The following ADCY5 variants were observed in gnomAD, a reference collection of about 807,000 sequenced individuals.
ADCY5 encodes adenylate cyclase 5, also known as adenylate cyclase type 5.
Under a neutral mutation model 119.7 loss-of-function variants are expected in ADCY5, and 30 were observed. That is an observed-to-expected ratio of 0.25 (90% CI 0.19 to 0.34). ADCY5 has a LOEUF of 0.34. ADCY5 is among the 10% of genes least tolerant of loss of function. The pLI, the probability that ADCY5 is intolerant of heterozygous loss-of-function variation, is 1.00. For synonymous variants in ADCY5, 753 were observed against 762.2 expected (o/e 0.99, Z 0.20); for missense variants, 1,324 against 1,775.2 (o/e 0.75, Z 4.57).
chr3:123,284,798 G>A, intron 20 of ADCY5, 62 bp from the exon 21 acceptor site: 1 of 1,605,562 alleles, frequency 6.2e-7, no homozygotes, highest in South Asian at 1.1e-5. Context: ...AACTGCTGTG[G>A]GGTAGAGCCA....
intron 12 of ADCY5, among the ~76,000 whole-genome samples, chr3:123,309,980 C>G (rs1940449274): frequency 6.6e-6 from 1 of 152,052 alleles, no homozygotes; most frequent in Non-Finnish European, 1.5e-5. Context: ...GCAGAGCAGA[C>G]AGGGCCCACA....
chr3:123,330,729 G>A (rs1292737153), intron 5 of ADCY5, among the ~76,000 whole-genome samples, 160 bp downstream of exon 5: 2 of 152,236 alleles, frequency 1.3e-5, no homozygotes, highest in African/African-American at 4.8e-5. Context: ...CAGAAAGTCT[G>A]GTGGCACACG....
At chr3:123,379,699 G>C (rs1257275737) in intron 1 of ADCY5, among the ~76,000 whole-genome samples, 1 of 152,022 alleles carries the variant, frequency 6.6e-6, no homozygotes, top group Non-Finnish European at 1.5e-5. Context: ...GGGTGAGGGT[G>C]GGGAGGCCTC....
chr3:123,342,203 C>T (rs1243713959), intron 3 of ADCY5, among the ~76,000 whole-genome samples: 2 of 152,154 alleles, frequency 1.3e-5, no homozygotes, highest in Non-Finnish European at 2.9e-5. Flanking sequence ...AAACATTTTC[C>T]ACCCTCTGCC....
chr3:123,316,676 CCTGG>C (rs1258511303), intron 11 of ADCY5, among the ~76,000 whole-genome samples: 3 of 151,962 alleles, frequency 2.0e-5, no homozygotes, highest in Non-Finnish European at 4.4e-5. Flanking sequence ...TTGAGTAGAC[CCTGG>C]CTACAAATAA....
chr3:123,294,668 G>C (rs1559782324), intron 17 of ADCY5, among the ~76,000 whole-genome samples: 2 of 152,206 alleles, frequency 1.3e-5, no homozygotes, highest in Non-Finnish European at 2.9e-5. Context: ...GACTGGAACA[G>C]CTCGATACAG....
chr3:123,419,776 C>G (rs1945263210), intron 1 of ADCY5, among the ~76,000 whole-genome samples: 1 of 152,116 alleles, frequency 6.6e-6, no homozygotes, highest in Non-Finnish European at 1.5e-5. Flanking sequence ...CTTCATGAAA[C>G]CTTCCCTGGG....
At chr3:123,297,640 A>C (rs1352982631) in intron 15 of ADCY5, among the ~76,000 whole-genome samples, 1 of 152,176 alleles carries the variant, frequency 6.6e-6, no homozygotes, top group Non-Finnish European at 1.5e-5. Flanking sequence ...AGACCCCAGC[A>C]TATCTACCTG....
Position 123,379,307 on chromosome 3 carries a change from G to A in ADCY5, c.1135-26726C>T, listed in dbSNP as rs1327606277. ...TGCTGGTGGAGTTCCAGGGGTTGGG[G>A]GTGGGTTGGTTAGGGGGTGATGCTG... On this transcript the variant is annotated intron_variant, in intron 1 of 20. Transcript: ENST00000462833. Among the ~76,000 whole-genome samples, 3 of 152,280 alleles carry A rather than the reference G, an allele frequency of 2.0e-5. 1 individual carries two copies. The South Asian group carries it at 6.2e-4, about 32-fold the overall frequency.
At chr3:123,320,672 G>A (rs1576568861) in intron 9 of ADCY5, 77 bp downstream of exon 9, 1 of 1,568,910 alleles carries the variant, frequency 6.4e-7, no homozygotes. Context: ...GGAGTGTGGA[G>A]AAACCAAGTG....
intron 1 of ADCY5, among the ~76,000 whole-genome samples, chr3:123,433,649 A>G (rs1018209548): frequency 1.3e-5 from 2 of 152,154 alleles, no homozygotes; most frequent in African/African-American, 4.8e-5. Context: ...GAAACGCTCT[A>G]GTAAGCACCA....
intron 1 of ADCY5, among the ~76,000 whole-genome samples, chr3:123,414,318 C>T (rs1342437022): frequency 6.6e-6 from 1 of 152,204 alleles, no homozygotes; most frequent in Non-Finnish European, 1.5e-5. Context: ...TCTGTGGGAC[C>T]CTTTATCCTC....
chr3:123,303,160 C>G lies in ADCY5; in HGVS notation c.2619G>C (p.Ala873=). 6.2e-7 allele frequency: 1 copy of G among 1,613,874 alleles called. No individual in the cohort carries two copies. Among genetic ancestry groups the G allele is most frequent in the South Asian group, 1.1e-5 (1 of 91,088 alleles). The change falls in exon 14 of 21, where the codon GCG becomes GCC. Residue 873 remains alanine, a synonymous_variant. Coordinates refer to ENST00000462833, the MANE Select transcript of ADCY5 (RefSeq NM_183357.3). ...GCLAQEHNIS[A]SQVNACHVAE... Reference sequence around the variant, plus strand: ...CCACGTGACACGCGTTGACCTGGCTCGCGCTGATGTTGTGCTCCTGTGCCA... The same window carrying G: ...CCACGTGACACGCGTTGACCTGGCTGGCGCTGATGTTGTGCTCCTGTGCCA...
chr3:123,447,485 C>T lies in ADCY5; in HGVS notation c.1061G>A (p.Gly354Glu). Reference protein sequence around the residue: ...PVRMRAAVLSGVLLSALHLAI... With the variant: ...PVRMRAAVLSEVLLSALHLAI... The stretch of plus-strand genomic sequence containing the variant: ...CAGGTGGAGGGCGGACAGGAGCACC[C>T]CGCTGAGCACTGCGGCCCGCATGCG... The change falls in exon 1 of 21, where the codon GGG (glycine) becomes GAG (glutamate). Residue 354 changes from glycine to glutamate, a missense_variant. By Grantham distance (98) the Gly-to-Glu change is moderately conservative. Coordinates refer to ENST00000462833, the MANE Select transcript of ADCY5 (RefSeq NM_183357.3). 6.2e-7 allele frequency: 1 copy of T among 1,611,696 alleles called. No individual in the cohort carries two copies. Among genetic ancestry groups the T allele is most frequent in the Non-Finnish European group, 8.5e-7 (1 of 1,179,462 alleles).
At chr3:123,294,299 A>G (rs1359276351) in intron 17 of ADCY5, among the ~76,000 whole-genome samples, 1 of 152,224 alleles carries the variant, frequency 6.6e-6, no homozygotes, top group Non-Finnish European at 1.5e-5. Context: ...GGAGCCACCA[A>G]TGGATGCAAA....
intron 3 of ADCY5, among the ~76,000 whole-genome samples, chr3:123,337,122 T>A (rs1348073187): frequency 6.6e-6 from 1 of 152,244 alleles, no homozygotes; most frequent in Non-Finnish European, 1.5e-5. Context: ...TCTATCTCCC[T>A]TCTCCACCAT....
chr3:123,355,517 T>C (rs1244365299), intron 1 of ADCY5, among the ~76,000 whole-genome samples: 1 of 152,078 alleles, frequency 6.6e-6, no homozygotes. Context: ...AAGGGACTTA[T>C]ATAAGCATCT....
chr3:123,416,183 C>G, intron 1 of ADCY5: 1 of 1,536,064 alleles, frequency 6.5e-7, no homozygotes, highest in Non-Finnish European at 8.7e-7. Flanking sequence ...ATGACACTCA[C>G]CCTCCGTGGG....
In ADCY5 at chr3:123,447,881, G is replaced by T; in HGVS notation, c.665C>A (p.Pro222Gln). The change falls in exon 1 of 21, where the codon CCG becomes CAG. Residue 222 changes from proline to glutamine, a missense_variant. Transcript: ENST00000462833. ...GTACAGCCGCTCCAGTTTGTCCGAC[G>T]GGAACTTCTTGGAGCGGAATATCTG... The part of the protein sequence containing the change: ...LLQIFRSKKF[P>Q]SDKLERLYQR... The T allele has an allele frequency of 6.2e-7, 1 of 1,612,378 alleles. No homozygotes were observed. The highest frequency in any genetic ancestry group is 8.5e-7 in the Non-Finnish European group (1 of 1,179,528).
Sources: allele counts gnomAD v4.1 joint callset (sites outside exome capture counted in the v4.1 genomes callset), GRCh38; gene constraint gnomAD v4.1.1; transcripts MANE v1.5; gene names NCBI Gene and HGNC (gene_info 2026-07-23, HGNC 2026-07-21).